Variants in CACNA1H observed in about 807,000 individuals in gnomAD.
CACNA1H encodes the protein voltage-dependent T-type calcium channel subunit alpha-1H.
A neutral mutation model predicts 192.5 loss-of-function variants in CACNA1H; 149 were observed. The ratio of observed to expected loss-of-function variants is 0.77; its 90% CI spans 0.68 to 0.89. CACNA1H has a LOEUF of 0.89. Ranked by LOEUF, CACNA1H falls within the 40% of genes least tolerant of loss-of-function variation. CACNA1H has a pLI of 0.00. For missense variants in CACNA1H, 4,257 were observed against 3,423.5 expected, an observed-to-expected ratio of 1.24 and a Z score of -6.08; for synonymous variants, 2,202 against 1,475.2, an observed-to-expected ratio of 1.49 and a Z score of -11.29.
rs746487526 is a variant in CACNA1H at position 1,218,566 on chromosome 16, C to G, written c.5802C>G (p.Phe1934Leu). Residue 1934 changes from phenylalanine (F) to leucine (L), a missense_variant, in exon 33 of 35, where the codon TTC (phenylalanine) becomes TTG (leucine). Coordinates refer to ENST00000348261, the MANE Select transcript of CACNA1H (RefSeq NM_021098.3). Reference protein sequence around the residue: ...MLSLPNDSYMFRPVVPASAPH... With the variant: ...MLSLPNDSYMLRPVVPASAPH... ...CGCTGCCCAACGACAGCTACATGTT[C>G]AGGCCCGTGGTGCCTGCCTCGGCGC... is the stretch of plus-strand genomic sequence containing the variant. 1.7e-5 allele frequency: 27 copies of G among 1,564,512 alleles called. 1 individual carries two copies. The South Asian group carries it at 2.4e-4, about 14-fold the overall frequency.
In CACNA1H at chr16:1,219,172, G is replaced by C. The variant is rs1198279298; in HGVS notation, c.6048+42G>C. ...GCCTGCAGCAGAGGCTGGCGGGGAT[G>C]GGGGGCTTGCAGGGATGCCTCGTCT... On this transcript the variant is annotated intron_variant, in intron 34 of 34. Transcript: ENST00000348261. 5 of 1,471,556 alleles carry C rather than the reference G, an allele frequency of 3.4e-6. No individual in the cohort carries two copies. In the African/African-American group the frequency reaches 5.6e-5, roughly 17 times the overall value. 91.2% of individuals were successfully genotyped at this position (1,471,556 alleles called of 1,614,324 possible). A position where few individuals can be genotyped will look rare whatever the true frequency, so the allele number is the denominator to read the frequency against.
Position 1,210,930 on chromosome 16 carries a change from T to C in CACNA1H, c.4182T>C (p.Val1394=). 1 of 1,601,876 alleles carries C rather than the reference T, an allele frequency of 6.2e-7. No individual in the cohort carries two copies. The highest frequency in any genetic ancestry group is 1.3e-5 in the African/African-American group (1 of 75,010). Residue 1394 remains valine (V), a synonymous_variant, in exon 21 of 35, where the codon GTT becomes GTC. Coordinates refer to ENST00000348261, the MANE Select transcript of CACNA1H (RefSeq NM_021098.3). ...CTGGTGGCGCCAAGATCCTGGGTGT[T>C]CTGCGCGTGCTGCGTCTGCTGCGGA... ...ASAGGAKILG[V]LRVLRLLRTL...
intron 2 of CACNA1H, among the ~76,000 whole-genome samples, chr16:1,168,620 G>T (rs1406205026): frequency 6.6e-6 from 1 of 152,076 alleles, no homozygotes; most frequent in Non-Finnish European, 1.5e-5. Context: ...GTGGTCCTCA[G>T]TGTCCCCCGA....
chr16:1,164,679 C>T (rs537144636), intron 2 of CACNA1H, among the ~76,000 whole-genome samples: 7 of 152,344 alleles, frequency 4.6e-5, no homozygotes, highest in East Asian at 1.9e-4. Flanking sequence ...GCCTTTCCGT[C>T]GGAGACCCTT....
At position 1,202,037 on chromosome 16, in the gene CACNA1H, C is replaced by T. The variant is rs1484897813; in HGVS notation, c.1587C>T (p.Tyr529=). 2.6e-6 allele frequency: 4 copies of T among 1,537,790 alleles called. No individual in the cohort carries two copies. Among genetic ancestry groups the T allele is most frequent in the Non-Finnish European group, 3.5e-6 (4 of 1,144,196 alleles). ...ACCATCACCACCACCACCACCACTACCATTTCAGCCATGGCAGCCCCCGCA... is the reference window on the plus strand; with the variant it reads ...ACCATCACCACCACCACCACCACTATCATTTCAGCCATGGCAGCCCCCGCA... ...YHHHHHHHHH[Y]HFSHGSPRRP... Residue 529 remains tyrosine (Y), a synonymous_variant, in exon 9 of 35, where the codon TAC becomes TAT. Coordinates refer to ENST00000348261, the MANE Select transcript of CACNA1H (RefSeq NM_021098.3).
In CACNA1H at chr16:1,200,497, T is replaced by C. The variant is rs1317597939; in HGVS notation, c.1045T>C (p.Ser349Pro). The C allele has an allele frequency of 6.2e-7, 1 of 1,612,186 alleles. No homozygotes were observed. The highest frequency in any genetic ancestry group is 1.3e-5 in the African/African-American group (1 of 75,016). Residue 349 changes from serine (S) to proline (P), a missense_variant, in exon 7 of 35, where the codon TCG becomes CCG. Ser to Pro is a moderately conservative substitution (Grantham distance 74). Coordinates refer to ENST00000348261, the MANE Select transcript of CACNA1H (RefSeq NM_021098.3). Reference sequence around the variant, plus strand: ...GAACCAGTACTACAACGTGTGCCGCTCGGGTGACTCCAACCCCCACAACGG... The same window carrying C: ...GAACCAGTACTACAACGTGTGCCGCCCGGGTGACTCCAACCCCCACAACGG... ...NWNQYYNVCRSGDSNPHNGAI... is the reference protein window; with the variant it reads ...NWNQYYNVCRPGDSNPHNGAI...
chr16:1,155,903 G>A (rs1962300734), intron 2 of CACNA1H, among the ~76,000 whole-genome samples: 1 of 152,164 alleles, frequency 6.6e-6, no homozygotes, highest in Non-Finnish European at 1.5e-5. Flanking sequence ...CCGGTGTCCT[G>A]AGGAGCTGTC....
At chr16:1,175,797 A>G (rs1964823633) in intron 2 of CACNA1H, among the ~76,000 whole-genome samples, 1 of 152,144 alleles carries the variant, frequency 6.6e-6, no homozygotes, top group South Asian at 2.1e-4. Flanking sequence ...TGGGCGTTGC[A>G]GGCCGCGGGC....
chr16:1,162,400 C>T (rs1032448333), intron 2 of CACNA1H, among the ~76,000 whole-genome samples: 44 of 152,162 alleles, frequency 2.9e-4, no homozygotes, highest in African/African-American at 9.7e-4. Context: ...AAAAATGGCC[C>T]ATGAGCAGGA....
At chr16:1,206,538 G>C (rs913656079) in intron 12 of CACNA1H, 5 of 539,890 alleles carry the variant, frequency 9.3e-6, no homozygotes, top group Non-Finnish European at 1.6e-5. Flanking sequence ...ACAAGCTGGG[G>C]ATTTACTCAA....
intron 2 of CACNA1H, among the ~76,000 whole-genome samples, chr16:1,186,696 C>G (rs1364830406): frequency 6.6e-6 from 1 of 152,272 alleles, no homozygotes; most frequent in South Asian, 2.1e-4. Context: ...TCCCGATGCC[C>G]GTGGCACCAC....
rs764336707 is a variant in CACNA1H at position 1,217,996 on chromosome 16, C to T, written c.5401C>T (p.Leu1801=). 6.2e-7 allele frequency: 1 copy of T among 1,603,056 alleles called. No individual in the cohort carries two copies. Among genetic ancestry groups the T allele is most frequent in the East Asian group, 2.3e-5 (1 of 44,346 alleles). ...CAACTTCGGCATGGCCTTCCTCACGCTGTTCCGCGTGTCCACGGGGGACAA... is the reference window on the plus strand; with the variant it reads ...CAACTTCGGCATGGCCTTCCTCACGTTGTTCCGCGTGTCCACGGGGGACAA... ...FSNFGMAFLT[L]FRVSTGDNWN... The change falls in exon 32 of 35, where the codon CTG becomes TTG. Residue 1801 remains leucine, a synonymous_variant. Coordinates refer to ENST00000348261, the MANE Select transcript of CACNA1H (RefSeq NM_021098.3).
rs543668675 is a variant in CACNA1H, at chr16:1,209,229, G to C, written c.3561G>C (p.Gly1187=). The change falls in exon 17 of 35, where the codon GGG becomes GGC. Residue 1187 remains glycine (G), a synonymous_variant. Transcript: ENST00000348261. The stretch of plus-strand genomic sequence containing the variant: ...CTGAGGACGGCAGGGCCGCGCCCGG[G>C]CCCCGTGCCACCCCACTGCGGCGGG... The part of the protein sequence containing the change: ...DEAEDGRAAP[G]PRATPLRRAE... The C allele has an allele frequency of 1.3e-6, 2 of 1,544,870 alleles. No homozygotes were observed. The highest frequency in any genetic ancestry group is 3.9e-5 in the Admixed American group (2 of 51,078).
chr16:1,194,622 G>C (rs1317953656), intron 2 of CACNA1H, among the ~76,000 whole-genome samples: 1 of 152,230 alleles, frequency 6.6e-6, no homozygotes, highest in Non-Finnish European at 1.5e-5. Flanking sequence ...CCCCATGTGG[G>C]CAGCTAGGCC....
chr16:1,178,565 G>T (rs1965148888), intron 2 of CACNA1H, among the ~76,000 whole-genome samples: 1 of 152,144 alleles, frequency 6.6e-6, no homozygotes, highest in South Asian at 2.1e-4. Context: ...AGGAGGAGCC[G>T]GCCCTGCCCA....
intron 18 of CACNA1H, 89 bp downstream of exon 18, chr16:1,210,224 G>A: frequency 1.6e-6 from 2 of 1,288,908 alleles, no homozygotes; most frequent in East Asian, 2.5e-5. Context: ...GCTAGCACAT[G>A]GTGGATATTT....
chr16:1,181,250 G>T (rs1477203910), intron 2 of CACNA1H, among the ~76,000 whole-genome samples: 1 of 152,254 alleles, frequency 6.6e-6, no homozygotes, highest in African/African-American at 2.4e-5. Context: ...ATGGGCAAGG[G>T]TGAGGCCAGA....
At chr16:1,154,091 G>T (rs1207105437) in intron 2 of CACNA1H, 55 bp downstream of exon 2, 113 of 225,204 alleles carry the variant, frequency 5.0e-4, no homozygotes, top group Non-Finnish European at 7.9e-4. Flanking sequence ...GAGGGTGGGG[G>T]CCCGGGGCGC....
intron 2 of CACNA1H, among the ~76,000 whole-genome samples, chr16:1,190,656 C>T (rs1422671073): frequency 6.6e-6 from 1 of 152,260 alleles, no homozygotes; most frequent in African/African-American, 2.4e-5. Flanking sequence ...TGGGGCCCCC[C>T]AGACCCTGCT....
Sources: allele counts gnomAD v4.1 joint callset (sites outside exome capture counted in the v4.1 genomes callset), GRCh38; gene constraint gnomAD v4.1.1; transcripts MANE v1.5; gene names NCBI Gene and HGNC (gene_info 2026-07-23, HGNC 2026-07-21).